The following ROBO2 variants were observed in gnomAD, a reference collection of about 807,000 sequenced individuals.
ROBO2 encodes roundabout homolog 2.
In ROBO2, 53 loss-of-function variants were observed where a neutral mutation model predicts 160.8. That is an observed-to-expected ratio of 0.33 (90% CI 0.26 to 0.41). The LOEUF is 0.41. ROBO2 is among the 10% of genes least tolerant of loss of function. ROBO2 has a pLI of 1.00. For missense variants in ROBO2, 1,577 were observed against 1,722.4 expected, an observed-to-expected ratio of 0.92 and a Z score of 1.49; for synonymous variants, 664 against 611.7, an observed-to-expected ratio of 1.09 and a Z score of -1.26.
chr3:76,600,054 C>T (rs1216247847), intron 2 of ROBO2, among the ~76,000 whole-genome samples: 2 of 152,124 alleles, frequency 1.3e-5, no homozygotes, highest in African/African-American at 4.8e-5. Context: ...TTAATTAGAT[C>T]TGATTTGTTG....
At chr3:77,635,195 A>G in intron 24 of ROBO2, 152 bp downstream of exon 25, 1 of 747,608 alleles carries the variant, frequency 1.3e-6, no homozygotes, top group Non-Finnish European at 2.2e-6. Context: ...TAAATAAAAC[A>G]CCATTTTTAA....
rs549123301 is a variant in ROBO2 at position 76,570,377 on chromosome 3, G to A, written c.110-527637G>A. 6.6e-5 allele frequency among the ~76,000 whole-genome samples: 10 copies of A among 152,256 alleles called. No homozygotes were observed. The South Asian group carries it at 1.9e-3, about 28-fold the overall frequency. Reference sequence around the variant, plus strand: ...GAGGATAAATCATAGAAATAACTTAGTCTAGACACATTTAAGTAAATTTAC... The same window carrying A: ...GAGGATAAATCATAGAAATAACTTAATCTAGACACATTTAAGTAAATTTAC... On this transcript the variant is annotated intron_variant, in intron 2 of 26. Coordinates refer to the ROBO2 transcript ENST00000487694.
chr3:77,153,890 A>G (rs925077578), intron 2 of ROBO2, among the ~76,000 whole-genome samples: 1 of 152,120 alleles, frequency 6.6e-6, no homozygotes, highest in Non-Finnish European at 1.5e-5. Context: ...TAACAAGACA[A>G]TCACCTCTCA....
At chr3:76,595,534 G>C (rs752364497) in intron 2 of ROBO2, among the ~76,000 whole-genome samples, 1 of 151,812 alleles carries the variant, frequency 6.6e-6, no homozygotes, top group Non-Finnish European at 1.5e-5. Flanking sequence ...TGCAAAAAAA[G>C]CATAAAATTA....
At chr3:76,284,057 A>C (rs1300486270) in intron 2 of ROBO2, among the ~76,000 whole-genome samples, 2 of 151,984 alleles carry the variant, frequency 1.3e-5, no homozygotes, top group Non-Finnish European at 1.5e-5. Context: ...CAGTGGCTTC[A>C]TTTGGTTCCA....
intron 2 of ROBO2, among the ~76,000 whole-genome samples, chr3:76,768,065 T>C (rs1455588593): frequency 1.3e-5 from 2 of 151,540 alleles, no homozygotes; most frequent in Non-Finnish European, 3.0e-5. Flanking sequence ...TAACTTCTTA[T>C]AGAAACACAA....
At chr3:76,832,976 T>TA (rs1280767882) in intron 2 of ROBO2, among the ~76,000 whole-genome samples, 1 of 151,976 alleles carries the variant, frequency 6.6e-6, no homozygotes, top group Non-Finnish European at 1.5e-5. Flanking sequence ...CCAGGCACAA[T>TA]AAAAACAAAG....
intron 2 of ROBO2, among the ~76,000 whole-genome samples, chr3:77,311,853 G>A (rs2063570004): frequency 6.6e-6 from 1 of 152,114 alleles, no homozygotes; most frequent in Admixed American, 6.6e-5. Context: ...TTGAGAGGCC[G>A]AGGTGGGCAG....
At chr3:76,051,724 T>C (rs1422211307) in intron 2 of ROBO2, among the ~76,000 whole-genome samples, 2 of 152,120 alleles carry the variant, frequency 1.3e-5, no homozygotes, top group African/African-American at 4.8e-5. Context: ...ATACTACATA[T>C]ACCACATTAT....
chr3:76,749,963 C>T (rs996477844), intron 2 of ROBO2, among the ~76,000 whole-genome samples: 1 of 152,074 alleles, frequency 6.6e-6, no homozygotes, highest in African/African-American at 2.4e-5. Context: ...CAGCATCATC[C>T]TGATACCAAA....
intron 2 of ROBO2, among the ~76,000 whole-genome samples, chr3:75,963,337 C>T (rs1177774733): frequency 1.3e-5 from 2 of 151,568 alleles, no homozygotes; most frequent in Non-Finnish European, 2.9e-5. Context: ...CAGGTGTGTG[C>T]CACCACACCC....
At chr3:76,681,406 C>T (rs1295448648) in intron 2 of ROBO2, among the ~76,000 whole-genome samples, 1 of 152,062 alleles carries the variant, frequency 6.6e-6, no homozygotes, top group African/African-American at 2.4e-5. Context: ...ATCCTTTCAA[C>T]AACCTTATGA....
chr3:76,019,721 C>G (rs2066515937), intron 2 of ROBO2, among the ~76,000 whole-genome samples: 1 of 151,450 alleles, frequency 6.6e-6, no homozygotes, highest in African/African-American at 2.4e-5. Context: ...GTTAGGTTTT[C>G]TCTGAAGTTC....
intron 2 of ROBO2, among the ~76,000 whole-genome samples, chr3:76,248,405 A>G (rs915089454): frequency 4.7e-5 from 7 of 149,032 alleles, no homozygotes; most frequent in African/African-American, 1.7e-4. Context: ...AAAACCAAAC[A>G]CTGCATATTC....
At chr3:77,445,797 T>TG (rs1010976284) in intron 2 of ROBO2, among the ~76,000 whole-genome samples, 13 of 74,734 alleles carry the variant, frequency 1.7e-4, no homozygotes, top group Non-Finnish European at 4.4e-4. Context: ...TTTTTTTGTT[T>TG]TTTTTTTTTT....
intron 2 of ROBO2, among the ~76,000 whole-genome samples, chr3:76,961,011 T>A (rs990286118): frequency 6.6e-6 from 1 of 152,094 alleles, no homozygotes; most frequent in Admixed American, 6.6e-5. Flanking sequence ...TATTATTGAA[T>A]GTAAAGTCTT....
intron 2 of ROBO2, among the ~76,000 whole-genome samples, chr3:76,269,276 C>T (rs1450038598): frequency 1.3e-5 from 2 of 151,846 alleles, no homozygotes; most frequent in African/African-American, 4.8e-5. Context: ...GTCTCATGTA[C>T]CTCACAAATA....
At chr3:77,328,353 A>G (rs1229881413) in intron 2 of ROBO2, among the ~76,000 whole-genome samples, 1 of 152,184 alleles carries the variant, frequency 6.6e-6, no homozygotes, top group Non-Finnish European at 1.5e-5. Context: ...ATATTTTAAG[A>G]CACAGAACAC....
intron 2 of ROBO2, among the ~76,000 whole-genome samples, chr3:77,462,043 A>C (rs1475685510): frequency 6.6e-6 from 1 of 152,180 alleles, no homozygotes; most frequent in African/African-American, 2.4e-5. Context: ...CTTACATGAA[A>C]TAGATTTATA....
Sources: allele counts gnomAD v4.1 joint callset (sites outside exome capture counted in the v4.1 genomes callset), GRCh38; gene constraint gnomAD v4.1.1; transcripts MANE v1.5; gene names NCBI Gene and HGNC (gene_info 2026-07-23, HGNC 2026-07-21).